Variants in FGGY observed in about 807,000 individuals in gnomAD.
FGGY encodes FGGY carbohydrate kinase domain-containing protein.
A neutral mutation model predicts 71.3 loss-of-function variants in FGGY; 72 were observed. That is an observed-to-expected ratio of 1.01 (90% CI 0.84 to 1.23). FGGY has a LOEUF of 1.23. FGGY is among the 50% of genes most tolerant of loss of function. The probability of loss-of-function intolerance (pLI) is 0.00; values close to 1 mark genes in which losing one functional copy is unlikely to be tolerated. For synonymous variants in FGGY, 251 were observed against 250.3 expected (o/e 1.00, Z -0.02); for missense variants, 668 against 682.3 (o/e 0.98, Z 0.23).
At chr1:59,528,603 G>T (rs1176291194) in intron 7 of FGGY, among the ~76,000 whole-genome samples, 3 of 152,158 alleles carry the variant, frequency 2.0e-5, no homozygotes, top group African/African-American at 2.4e-5. Context: ...TAAAGTGTTA[G>T]GCTGTCGATC....
chr1:59,659,215 T>C lies in FGGY; in HGVS notation c.1222-1004T>C, dbSNP rs77283944. Among the ~76,000 whole-genome samples the C allele has an allele frequency of 3.5e-3, 533 of 152,074 alleles. 4 individuals are homozygous for C. The highest frequency in any genetic ancestry group is 0.012 in the African/African-American group (509 of 41,460). ...AGACTCTGTCTCAAAAAAAAGAGGG[T>C]TCCCAAGTTTCCTGGTTTGGGTAAC... On this transcript the variant is annotated intron_variant, in intron 11 of 15. Coordinates refer to ENST00000303721, the MANE Select transcript of FGGY (RefSeq NM_018291.5).
chr1:59,647,343 G>A (rs2097104744), intron 11 of FGGY, among the ~76,000 whole-genome samples: 2 of 152,156 alleles, frequency 1.3e-5, no homozygotes, highest in African/African-American at 4.8e-5. Flanking sequence ...AAGGGCCTTT[G>A]GGTAAACAGC....
At chr1:59,470,019 T>C (rs2092857989) in intron 6 of FGGY, among the ~76,000 whole-genome samples, 1 of 152,190 alleles carries the variant, frequency 6.6e-6, no homozygotes. Context: ...TTTAGGTTGA[T>C]TCCATGTCTT....
intron 6 of FGGY, among the ~76,000 whole-genome samples, chr1:59,480,029 C>T (rs1179646221): frequency 3.3e-5 from 5 of 152,190 alleles, no homozygotes; most frequent in Non-Finnish European, 7.3e-5. Flanking sequence ...CTTTCCACCT[C>T]AAAATGCTAC....
chr1:59,438,754 A>G (rs1190595070), intron 5 of FGGY, among the ~76,000 whole-genome samples: 1 of 152,274 alleles, frequency 6.6e-6, no homozygotes, highest in East Asian at 1.9e-4. Flanking sequence ...ATTGAGGGGG[A>G]AAATATTTGG....
At chr1:59,722,937 C>G (rs2100686394) in intron 14 of FGGY, among the ~76,000 whole-genome samples, 1 of 152,304 alleles carries the variant, frequency 6.6e-6, no homozygotes, top group East Asian at 1.9e-4. Context: ...GCTGGGACTA[C>G]AGGCACCCGC....
intron 2 of FGGY, among the ~76,000 whole-genome samples, chr1:59,337,058 T>TAC (rs1452024127): frequency 6.7e-6 from 1 of 148,578 alleles, no homozygotes; most frequent in African/African-American, 2.5e-5. Flanking sequence ...CATATATATA[T>TAC]ATATATATAT....
chr1:59,321,882 C>A, intron 2 of FGGY, 132 bp downstream of exon 2: 2 of 777,552 alleles, frequency 2.6e-6, no homozygotes. Context: ...CCTTGCCCTT[C>A]AGGAGCTCAC....
intron 6 of FGGY, among the ~76,000 whole-genome samples, chr1:59,492,178 G>T (rs1470078053): frequency 6.6e-6 from 1 of 152,212 alleles, no homozygotes; most frequent in Middle Eastern, 3.4e-3. Flanking sequence ...CATCAAGAGA[G>T]CTTACATCTC....
intron 7 of FGGY, among the ~76,000 whole-genome samples, chr1:59,542,828 C>T (rs370477481): frequency 3.9e-5 from 6 of 152,198 alleles, no homozygotes; most frequent in African/African-American, 1.2e-4. Flanking sequence ...AGTTCATTTG[C>T]GTGAGGTCAT....
At chr1:59,691,602 A>C (rs2097587398) in intron 14 of FGGY, among the ~76,000 whole-genome samples, 1 of 151,602 alleles carries the variant, frequency 6.6e-6, no homozygotes, top group Non-Finnish European at 1.5e-5. Context: ...GGCCCTCAGA[A>C]AAGCCTTCTC....
chr1:59,627,666 A>G (rs2096872509), intron 10 of FGGY, among the ~76,000 whole-genome samples: 1 of 151,910 alleles, frequency 6.6e-6, no homozygotes, highest in South Asian at 2.1e-4. Flanking sequence ...TCTAAGTACC[A>G]TTCTCCCATT....
intron 8 of FGGY, among the ~76,000 whole-genome samples, chr1:59,562,151 T>G (rs1052671225): frequency 7.2e-5 from 11 of 152,206 alleles, no homozygotes; most frequent in Non-Finnish European, 1.6e-4. Flanking sequence ...TACAAAAGCA[T>G]GTATTCATAC....
intron 7 of FGGY, among the ~76,000 whole-genome samples, chr1:59,520,963 G>A (rs554473104): frequency 2.1e-5 from 3 of 145,552 alleles, no homozygotes; most frequent in Non-Finnish European, 3.0e-5. Context: ...AAAGCTGGGG[G>A]CAGGAGGGAG....
intron 12 of FGGY, among the ~76,000 whole-genome samples, chr1:59,663,457 A>C (rs1020776966): frequency 6.6e-6 from 1 of 152,212 alleles, no homozygotes; most frequent in Non-Finnish European, 1.5e-5. Context: ...TGGTAAGAGT[A>C]CTGCAGCAGA....
chr1:59,331,368 T>G (rs986346123), intron 2 of FGGY, among the ~76,000 whole-genome samples: 1 of 152,198 alleles, frequency 6.6e-6, no homozygotes, highest in Non-Finnish European at 1.5e-5. Context: ...GAGTAGCTTT[T>G]ACAAAATTGA....
At chr1:59,319,519 T>C (rs2046011403) in intron 1 of FGGY, among the ~76,000 whole-genome samples, 1 of 152,144 alleles carries the variant, frequency 6.6e-6, no homozygotes, top group African/African-American at 2.4e-5. Context: ...TTTGTATGTA[T>C]GCAAGGGGAG....
chr1:59,595,864 C>T (rs952739545), intron 8 of FGGY, among the ~76,000 whole-genome samples: 29 of 152,112 alleles, frequency 1.9e-4, no homozygotes, highest in African/African-American at 6.8e-4. Context: ...CCTAGATAGC[C>T]TATTCCAAGG....
intron 14 of FGGY, among the ~76,000 whole-genome samples, chr1:59,697,301 CTT>C (rs2097669044): frequency 6.6e-6 from 1 of 152,308 alleles, no homozygotes; most frequent in East Asian, 1.9e-4. Flanking sequence ...CTCCGGAACT[CTT>C]TTCATCTTGC....
Sources: allele counts gnomAD v4.1 joint callset (sites outside exome capture counted in the v4.1 genomes callset), GRCh38; gene constraint gnomAD v4.1.1; transcripts MANE v1.5; gene names NCBI Gene and HGNC (gene_info 2026-07-23, HGNC 2026-07-21).